Variants in UBE4B observed in about 807,000 individuals in gnomAD.
UBE4B encodes ubiquitin conjugation factor E4 B.
Under a neutral mutation model 148.1 loss-of-function variants are expected in UBE4B, and 27 were observed. The observed-to-expected ratio is 0.18, with a 90% CI of 0.13 to 0.25. The LOEUF (loss-of-function observed/expected upper bound fraction) is 0.25, where lower values mean the gene tolerates loss of function less well. Among genes scored for constraint, UBE4B ranks in the 10% least tolerant of loss-of-function variants. The pLI is 1.00. For synonymous variants in UBE4B, 596 were observed against 619.3 expected (o/e 0.96, Z 0.56); for missense variants, 1,170 against 1,662.4 (o/e 0.70, Z 5.15).
At chr1:10,156,264 G>A (rs1470152224) in intron 21 of UBE4B, among the ~76,000 whole-genome samples, 36 of 145,092 alleles carry the variant, frequency 2.5e-4, no homozygotes, top group African/African-American at 8.4e-4. Context: ...TTTTGAGCTA[G>A]GGTCTTGCTC....
intron 1 of UBE4B, among the ~76,000 whole-genome samples, chr1:10,051,650 A>G (rs938326840): frequency 1.3e-5 from 2 of 152,136 alleles, no homozygotes; most frequent in East Asian, 1.9e-4. Context: ...TGAATGTACT[A>G]AGAGGGTGAA....
chr1:10,095,921 G>A (rs992195714), intron 3 of UBE4B, among the ~76,000 whole-genome samples: 1 of 152,046 alleles, frequency 6.6e-6, no homozygotes, highest in Non-Finnish European at 1.5e-5. Flanking sequence ...ACAGGTGTGT[G>A]CCACCATGCC....
intron 1 of UBE4B, among the ~76,000 whole-genome samples, chr1:10,041,283 A>C (rs1643750804): frequency 8.9e-6 from 1 of 112,828 alleles, no homozygotes; most frequent in Non-Finnish European, 1.7e-5. Flanking sequence ...CTATCGCTTT[A>C]CTACCTCTAA....
chr1:10,153,490 TAAAAAAAAAAAAAA>T (rs1045427991), intron 21 of UBE4B, among the ~76,000 whole-genome samples: 2 of 49,200 alleles, frequency 4.1e-5, no homozygotes, highest in African/African-American at 8.6e-5. Context: ...ACCCTGTTTC[TAAAAAAAAAAAAAA>T]AAAAAAAAAA....
intron 1 of UBE4B, among the ~76,000 whole-genome samples, chr1:10,041,202 T>C (rs1246380667): frequency 2.0e-5 from 3 of 152,150 alleles, no homozygotes; most frequent in Non-Finnish European, 4.4e-5. Context: ...TAGAAATTAA[T>C]TTATTGAAAG....
At chr1:10,143,373 C>A (rs1001402703) in intron 17 of UBE4B, among the ~76,000 whole-genome samples, 3 of 152,028 alleles carry the variant, frequency 2.0e-5, no homozygotes, top group Non-Finnish European at 4.4e-5. Context: ...TTTACTCCAG[C>A]CTGGGCAATA....
chr1:10,095,375 A>T, intron 2 of UBE4B, 86 bp from the exon 3 acceptor site: 1 of 1,525,050 alleles, frequency 6.6e-7, no homozygotes. Context: ...GGGTGACTGC[A>T]GATTGTGCGT....
intron 7 of UBE4B, among the ~76,000 whole-genome samples, chr1:10,116,198 A>G (rs535414144): frequency 1.1e-4 from 17 of 152,222 alleles, no homozygotes; most frequent in Admixed American, 2.0e-4. Flanking sequence ...GCAGGAGTGC[A>G]GTGGCATGAT....
At chr1:10,173,344 T>C (rs1217291107) in intron 25 of UBE4B, among the ~76,000 whole-genome samples, 3 of 151,248 alleles carry the variant, frequency 2.0e-5, no homozygotes, top group African/African-American at 4.9e-5. Flanking sequence ...TAGCCGGGCG[T>C]GGTGGCGGGC....
chr1:10,165,517 A>G (rs913098895), intron 23 of UBE4B, among the ~76,000 whole-genome samples: 1 of 152,046 alleles, frequency 6.6e-6, no homozygotes, highest in African/African-American at 2.4e-5. Context: ...GGCTTCCCTT[A>G]TCACTCAGAG....
chr1:10,140,446 G>A (rs182172158), intron 17 of UBE4B, among the ~76,000 whole-genome samples: 1 of 152,138 alleles, frequency 6.6e-6, no homozygotes, highest in Non-Finnish European at 1.5e-5. Flanking sequence ...ATATTATTTA[G>A]GTCAAGTTTG....
In UBE4B at chr1:10,116,838, A is replaced by G. The variant is rs528245181; in HGVS notation, c.1197-621A>G. 2.6e-5 allele frequency among the ~76,000 whole-genome samples: 4 copies of G among 152,140 alleles called. No individual in the cohort carries two copies. The East Asian group carries it at 7.7e-4, about 29-fold the overall frequency. ...AGTAAGCAGTGGGGTTGAGACTAGA[A>G]CCCACGTCTGGTTACTCCTAGTACA... On this transcript the variant is annotated intron_variant, in intron 7 of 27. Transcript: ENST00000343090.
chr1:10,144,857 G>A (rs1240569084), intron 17 of UBE4B, 83 bp from the exon 18 acceptor site: 4 of 923,332 alleles, frequency 4.3e-6, no homozygotes, highest in Non-Finnish European at 6.7e-6. Context: ...AACTGCGTGT[G>A]AGAGTCAGTG....
rs1450876953 is a variant in UBE4B at position 10,121,913 on chromosome 1, C to T, written c.1440-49C>T. The T allele has an allele frequency of 2.3e-6, 3 of 1,292,252 alleles. No homozygotes were observed. In the Admixed American group the frequency reaches 5.8e-5, roughly 25 times the overall value. 80.0% of individuals were successfully genotyped at this position (1,292,252 alleles called of 1,614,324 possible). On this transcript the variant is annotated intron_variant, in intron 9 of 27. Transcript: ENST00000343090. ...TGCTGACATGACATTTCACGTGCCT[C>T]TGTAGTGAGTTGACTTCATCACCGT...
chr1:10,088,793 C>G (rs796767246), intron 2 of UBE4B, among the ~76,000 whole-genome samples: 22 of 152,230 alleles, frequency 1.4e-4, no homozygotes, highest in African/African-American at 5.3e-4. Flanking sequence ...ATCCTCCTAC[C>G]TCAGCCTCCT....
At chr1:10,047,219 G>C (rs1331993439) in intron 1 of UBE4B, among the ~76,000 whole-genome samples, 2 of 152,178 alleles carry the variant, frequency 1.3e-5, no homozygotes, top group Non-Finnish European at 2.9e-5. Flanking sequence ...GCAGAGGTCG[G>C]AAATAATAAT....
chr1:10,126,773 A>C, intron 10 of UBE4B, 21 bp from the exon 11 acceptor site: 1 of 1,594,424 alleles, frequency 6.3e-7, no homozygotes, highest in Non-Finnish European at 8.6e-7. Context: ...TATATTTCTG[A>C]TTTTGTTTTT....
At chr1:10,078,573 G>T (rs1317367413) in intron 2 of UBE4B, among the ~76,000 whole-genome samples, 1 of 152,018 alleles carries the variant, frequency 6.6e-6, no homozygotes, top group Non-Finnish European at 1.5e-5. Flanking sequence ...ACTGTCTCGG[G>T]TTATTTTATT....
At chr1:10,118,866 GTCTTTTTTTTTTTTTTTTTTTT>G (rs1645361191) in intron 8 of UBE4B, among the ~76,000 whole-genome samples, 1 of 82,500 alleles carries the variant, frequency 1.2e-5, no homozygotes, top group African/African-American at 5.3e-5. Flanking sequence ...GGCCAGGCTG[GTCTTTTTTTTTTTTTTTTTTTT>G]TTTTTTTTTT....
Sources: gnomAD v4.1 joint callset for allele counts (sites outside exome capture counted in the v4.1 genomes callset) on GRCh38, gnomAD v4.1.1 for gene constraint, MANE v1.5 for transcripts, NCBI Gene and HGNC (gene_info 2026-07-23, HGNC 2026-07-21) for gene names.